LMO1: variants seen among roughly 807,000 people sequenced by gnomAD.
LMO1 encodes the protein rhombotin-1.
A neutral mutation model predicts 18.0 loss-of-function variants in LMO1; 10 were observed. The observed-to-expected ratio is 0.55, with a 90% CI of 0.34 to 0.94. The LOEUF (loss-of-function observed/expected upper bound fraction) is 0.94. LMO1 is among the 40% of genes least tolerant of loss of function. The probability of loss-of-function intolerance (pLI) is 0.02; values close to 1 mark genes in which losing one functional copy is unlikely to be tolerated. For missense variants in LMO1, 183 were observed against 205.7 expected (o/e 0.89, Z 0.68); for synonymous variants, 77 against 77.9 (o/e 0.99, Z 0.06).
chr11:8,231,480 C>T (rs1952660938), intron 1 of LMO1, among the ~76,000 whole-genome samples: 1 of 152,230 alleles, frequency 6.6e-6, no homozygotes, highest in African/African-American at 2.4e-5. Flanking sequence ...GGACATATGT[C>T]GTCCAGTAGC....
chr11:8,261,119 A>G (rs1331740901), intron 1 of LMO1, among the ~76,000 whole-genome samples: 2 of 152,234 alleles, frequency 1.3e-5, no homozygotes, highest in African/African-American at 4.8e-5. Flanking sequence ...CTTTTGAAAG[A>G]CAGCTATGGG....
chr11:8,253,188 G>C (rs1037186573), intron 1 of LMO1, among the ~76,000 whole-genome samples: 4 of 152,194 alleles, frequency 2.6e-5, no homozygotes, highest in African/African-American at 4.8e-5. Flanking sequence ...GCTGCCTCAC[G>C]TCCTCAAGGA....
chr11:8,249,114 T>C (rs1235053136), intron 1 of LMO1, among the ~76,000 whole-genome samples: 1 of 152,180 alleles, frequency 6.6e-6, no homozygotes, highest in Non-Finnish European at 1.5e-5. Flanking sequence ...AGCCAGGATC[T>C]TGACCACCAG....
upstream of LMO1, among the ~76,000 whole-genome samples, chr11:8,265,802 A>G (rs915608075): frequency 6.6e-6 from 1 of 151,884 alleles, no homozygotes; most frequent in Non-Finnish European, 1.5e-5. Context: ...TGCCGTAGAA[A>G]CCTCTGTGCT....
chr11:8,242,240 A>G (rs979807739), intron 1 of LMO1, among the ~76,000 whole-genome samples: 1 of 152,184 alleles, frequency 6.6e-6, no homozygotes, highest in South Asian at 2.1e-4. Context: ...TTTATCCTTT[A>G]GATAAAAGAG....
At chr11:8,265,967 A>G (rs1405012764), upstream of LMO1, among the ~76,000 whole-genome samples, 1 of 152,070 alleles carries the variant, frequency 6.6e-6, no homozygotes, top group African/African-American at 2.4e-5. Flanking sequence ...AGTTTGTCTG[A>G]ATACCAGCTC....
upstream of LMO1, among the ~76,000 whole-genome samples, chr11:8,265,084 C>A (rs1847247610): frequency 6.6e-6 from 1 of 152,224 alleles, no homozygotes; most frequent in South Asian, 2.1e-4. Context: ...CTTCTGAGGA[C>A]TAGACCCAGG....
intron 1 of LMO1, among the ~76,000 whole-genome samples, chr11:8,236,596 G>A (rs971687930): frequency 1.3e-5 from 2 of 152,028 alleles, no homozygotes; most frequent in African/African-American, 4.8e-5. Context: ...CCAAGCAGGA[G>A]ACTTCACAGA....
rs1432122846 is a variant in LMO1 at position 8,224,545 on chromosome 11, C to A, written c.*71G>T. ...TGGCCAGCCTGCACTGGTAGAGTGG[C>A]TGGCTGGCCGGCCAGGCAGGTGGGC... On this transcript the variant is annotated 3_prime_UTR_variant, in exon 4 of 4. Transcript: ENST00000335790. 5.4e-6 allele frequency: 5 copies of A among 928,264 alleles called. No individual in the cohort carries two copies. The East Asian group carries it at 1.0e-4, about 19-fold the overall frequency. 57.5% of individuals were successfully genotyped at this position (928,264 alleles called of 1,614,324 possible). A position where few individuals can be genotyped will look rare whatever the true frequency, so the allele number is the denominator to read the frequency against.
Position 8,263,461 on chromosome 11 carries a change from C to T in LMO1, c.-99G>A. ...GGGCGGCCGGTCTTCGGGCAGCTAG[C>T]GGGCTCTAATTACCCGCTTGTCCGG... On this transcript the variant is annotated 5_prime_UTR_variant, in exon 1 of 4. Transcript: ENST00000335790. 1.3e-6 allele frequency: 2 copies of T among 1,550,610 alleles called. No individual in the cohort carries two copies. The highest frequency in any genetic ancestry group is 1.7e-6 in the Non-Finnish European group (2 of 1,156,584).
chr11:8,256,364 G>A (rs1184858984), intron 1 of LMO1, among the ~76,000 whole-genome samples: 1 of 152,194 alleles, frequency 6.6e-6, no homozygotes, highest in Non-Finnish European at 1.5e-5. Context: ...AAGTCACACA[G>A]CAGTCAGCTG....
chr11:8,240,290 G>T (rs1565181215), intron 1 of LMO1, among the ~76,000 whole-genome samples: 1 of 152,322 alleles, frequency 6.6e-6, no homozygotes, highest in South Asian at 2.1e-4. Context: ...CATTTTTGCA[G>T]TGCGTTTTGG....
intron 1 of LMO1, 72 bp downstream of exon 1, chr11:8,263,266 C>T: frequency 6.7e-7 from 1 of 1,503,182 alleles, no homozygotes; most frequent in Non-Finnish European, 9.0e-7. Context: ...CGTGTCCCCG[C>T]GTGTGTGTGC....
intron 1 of LMO1, among the ~76,000 whole-genome samples, chr11:8,253,152 C>T (rs11041827): frequency 0.37 from 56,498 of 152,070 alleles, 12,384 homozygotes; most frequent in Middle Eastern, 0.53. Context: ...CTGCCCTCAG[C>T]TGGGCAGACG....
At chr11:8,252,175 G>A (rs1336982528) in intron 1 of LMO1, among the ~76,000 whole-genome samples, 4 of 152,188 alleles carry the variant, frequency 2.6e-5, no homozygotes, top group Non-Finnish European at 4.4e-5. Flanking sequence ...ATGCCAACTT[G>A]CTGGGGTATC....
intron 1 of LMO1, among the ~76,000 whole-genome samples, chr11:8,239,611 A>G (rs1291979975): frequency 6.6e-6 from 1 of 152,124 alleles, no homozygotes; most frequent in Non-Finnish European, 1.5e-5. Flanking sequence ...AGCCTCAACC[A>G]ACAGCCAGGG....
chr11:8,255,865 G>A (rs1240745858), intron 1 of LMO1, among the ~76,000 whole-genome samples: 16 of 115,510 alleles, frequency 1.4e-4, no homozygotes, highest in Admixed American at 1.2e-3. Flanking sequence ...TCGCTCTGTC[G>A]CCCAGGCTGG....
At chr11:8,260,204 C>T (rs770851929) in intron 1 of LMO1, among the ~76,000 whole-genome samples, 12 of 152,206 alleles carry the variant, frequency 7.9e-5, no homozygotes, top group Non-Finnish European at 1.6e-4. Flanking sequence ...AGCCCAGGGG[C>T]TCATTTGACT....
At position 8,224,447 on chromosome 11, in the gene LMO1, G is replaced by A. The variant is rs1018753209; in HGVS notation, c.*169C>T. On this transcript the variant is annotated 3_prime_UTR_variant, in exon 4 of 4. Coordinates refer to ENST00000335790, the MANE Select transcript of LMO1 (RefSeq NM_002315.3). ...GCCCCAGGAGGGGTCACACACAGAC[G>A]GGCGGTGGTGGAGGAGGAAGGGCCA... 9.4e-5 allele frequency: 57 copies of A among 606,102 alleles called. No homozygotes were observed. Among genetic ancestry groups the A allele is most frequent in the East Asian group, 8.3e-4 (30 of 36,342 alleles). The allele number at this position is 606,102 out of a possible 1,614,324, so 37.5% of individuals were successfully genotyped here.
Sources: gnomAD v4.1 joint callset for allele counts (sites outside exome capture counted in the v4.1 genomes callset) on GRCh38, gnomAD v4.1.1 for gene constraint, MANE v1.5 for transcripts, NCBI Gene and HGNC (gene_info 2026-07-23, HGNC 2026-07-21) for gene names.